CXADR: variants seen among roughly 807,000 people sequenced by gnomAD.
CXADR encodes the protein CXADR cell adhesion molecule.
CXADR carries 20 observed loss-of-function variants against 40.3 expected under a neutral mutation model. That is an observed-to-expected ratio of 0.50 (90% confidence interval 0.35 to 0.72). The LOEUF (loss-of-function observed/expected upper bound fraction) is 0.72, where lower values mean the gene tolerates loss of function less well. Ranked by LOEUF, CXADR falls within the 30% of genes least tolerant of loss-of-function variation. CXADR has a pLI of 0.01. For missense variants in CXADR, 332 were observed against 449.1 expected (o/e 0.74, Z 2.36); for synonymous variants, 150 against 161.3 (o/e 0.93, Z 0.53).
intron 7 of CXADR, among the ~76,000 whole-genome samples, chr21:17,585,761 G>A (rs1223506402): frequency 6.6e-6 from 1 of 152,054 alleles, no homozygotes; most frequent in South Asian, 2.1e-4. Context: ...CTCATGATCC[G>A]CCCGCCTTGG....
intron 3 of CXADR, among the ~76,000 whole-genome samples, chr21:17,553,915 C>G (rs2061002204): frequency 6.6e-6 from 1 of 152,202 alleles, no homozygotes; most frequent in Non-Finnish European, 1.5e-5. Context: ...CCGCACCCAG[C>G]TACCTGGTCT....
chr21:17,565,282 G>GAC lies in CXADR; in HGVS notation c.834-115_834-114dup, dbSNP rs6147430. On this transcript the variant is annotated intron_variant, in intron 6 of 6. Transcript: ENST00000284878. ...TGGCTTGTGCTTTTTGCTTTTTTGT[G>GAC]ACACACACACACACACACACACACA... The GAC allele has an allele frequency of 1.4e-3, 1,163 of 804,886 alleles. 1 individual carries two copies. Among genetic ancestry groups the GAC allele is most frequent in the Admixed American group, 3.1e-3 (103 of 32,780 alleles). 49.9% of individuals were successfully genotyped at this position (804,886 alleles called of 1,614,324 possible). A position where few individuals can be genotyped will look rare whatever the true frequency, so the allele number is the denominator to read the frequency against.
At chr21:17,577,612 C>CTTTTTTTTTTTT (rs532541050) in intron 7 of CXADR, among the ~76,000 whole-genome samples, 2,475 of 36,654 alleles carry the variant, frequency 0.068, 316 homozygotes, top group Non-Finnish European at 0.1. Context: ...ATTCTGCAAG[C>CTTTTTTTTTTTT]TTTTTTTTTT....
chr21:17,579,497 G>T (rs1343334819), intron 7 of CXADR, among the ~76,000 whole-genome samples: 1 of 152,112 alleles, frequency 6.6e-6, no homozygotes, highest in Non-Finnish European at 1.5e-5. Context: ...CGTTAGCCAG[G>T]ATGGTCTCGA....
intron 1 of CXADR, among the ~76,000 whole-genome samples, chr21:17,525,859 G>T (rs971880845): frequency 6.6e-6 from 1 of 152,194 alleles, no homozygotes; most frequent in African/African-American, 2.4e-5. Flanking sequence ...TGTGGCATTG[G>T]TGTTAGAACA....
At chr21:17,592,452 C>G (rs970389163) in intron 7 of CXADR, among the ~76,000 whole-genome samples, 2 of 151,542 alleles carry the variant, frequency 1.3e-5, no homozygotes, top group Non-Finnish European at 3.0e-5. Context: ...GATGAAAAAC[C>G]TACAGATGAG....
chr21:17,538,842 T>C (rs1175155092), intron 1 of CXADR, among the ~76,000 whole-genome samples: 1 of 151,690 alleles, frequency 6.6e-6, no homozygotes, highest in Non-Finnish European at 1.5e-5. Context: ...ATAAAAGCAA[T>C]TATATAGAGA....
At position 17,567,800 on chromosome 21, in the gene CXADR, A is replaced by G. The variant is rs939696762; in HGVS notation, c.*2108A>G. ...TATTCCTGACTTTCATATAATGAAAATTATCCTATTGATCTAAGTAGAAGT... is the reference window on the plus strand; with the variant it reads ...TATTCCTGACTTTCATATAATGAAAGTTATCCTATTGATCTAAGTAGAAGT... On this transcript the variant is annotated 3_prime_UTR_variant, in exon 7 of 7. Transcript: ENST00000284878. The G allele has an allele frequency of 1.1e-6, 1 of 942,350 alleles. No homozygotes were observed. Among genetic ancestry groups the G allele is most frequent in the Admixed American group, 6.2e-5 (1 of 16,162 alleles). 58.4% of individuals were successfully genotyped at this position (942,350 alleles called of 1,614,324 possible). A position where few individuals can be genotyped will look rare whatever the true frequency, so the allele number is the denominator to read the frequency against.
At chr21:17,593,111 T>C (rs2061455615) in intron 7 of CXADR, 1 of 1,315,332 alleles carries the variant, frequency 7.6e-7, no homozygotes, top group Non-Finnish European at 9.8e-7. Context: ...TGGAGAAAAA[T>C]CAAAACTCTT....
At chr21:17,522,160 T>C (rs1376225667) in intron 1 of CXADR, among the ~76,000 whole-genome samples, 1 of 151,938 alleles carries the variant, frequency 6.6e-6, no homozygotes, top group Non-Finnish European at 1.5e-5. Flanking sequence ...CTTCCTTTTT[T>C]TTTTGGAGAC....
At chr21:17,613,413 C>G in the CXADR span, 1 of 152,452 alleles carries the variant, frequency 6.6e-6, no homozygotes, top group East Asian at 1.9e-4. Context: ...GACAGATCCT[C>G]ATCCTTCTTG....
chr21:17,525,116 T>C (rs1239177182), intron 1 of CXADR, among the ~76,000 whole-genome samples: 2 of 152,192 alleles, frequency 1.3e-5, no homozygotes, highest in East Asian at 3.9e-4. Context: ...GTTCAGTTTG[T>C]CCTTTGGTAC....
the CXADR span, among the ~76,000 whole-genome samples, chr21:17,624,929 C>T: frequency 6.6e-6 from 1 of 152,152 alleles, no homozygotes. Context: ...AAAGAAACAT[C>T]CCCCATTACA....
the CXADR span, among the ~76,000 whole-genome samples, chr21:17,621,659 C>T: frequency 8.5e-5 from 13 of 152,172 alleles, no homozygotes; most frequent in African/African-American, 2.9e-4. Context: ...GATGGAGGCT[C>T]TTCATCCCAC....
chr21:17,606,489 G>A, the CXADR span, among the ~76,000 whole-genome samples: 1 of 152,176 alleles, frequency 6.6e-6, no homozygotes, highest in East Asian at 1.9e-4. Flanking sequence ...ATTGTATAGG[G>A]TAATTTGAAA....
Position 17,580,238 on chromosome 21 carries a change from G to A in CXADR, c.1018-12914G>A, listed in dbSNP as rs186210058. 7.2e-3 allele frequency among the ~76,000 whole-genome samples: 1,090 copies of A among 152,252 alleles called. 3 individuals carry two copies. The highest frequency in any genetic ancestry group is 0.011 in the Non-Finnish European group (768 of 68,020). On this transcript the variant is annotated intron_variant, in intron 7 of 7. Transcript: ENST00000400169. ...AAGTATGTTCTCCTAGACAAGAGTT[G>A]GCGAAAACTCTCACTTCTGGGTTAA...
At chr21:17,588,826 C>T (rs2061415264) in intron 7 of CXADR, among the ~76,000 whole-genome samples, 1 of 152,026 alleles carries the variant, frequency 6.6e-6, no homozygotes, top group African/African-American at 2.4e-5. Flanking sequence ...TTTCTAGTTA[C>T]ATAAAATTTT....
downstream of CXADR, among the ~76,000 whole-genome samples, chr21:17,595,993 G>T (rs1471002417): frequency 6.6e-6 from 1 of 151,932 alleles, no homozygotes; most frequent in East Asian, 1.9e-4. Flanking sequence ...TGTTTCATAT[G>T]GATTTAATCT....
At chr21:17,595,964 G>A (rs1180458911), downstream of CXADR, among the ~76,000 whole-genome samples, 1 of 151,950 alleles carries the variant, frequency 6.6e-6, no homozygotes, top group African/African-American at 2.4e-5. Context: ...TTTAAATTGT[G>A]CAGTTCTGGA....
Sources: gnomAD v4.1 joint callset for allele counts (sites outside exome capture counted in the v4.1 genomes callset) on GRCh38, gnomAD v4.1.1 for gene constraint, MANE v1.5 for transcripts, NCBI Gene and HGNC (gene_info 2026-07-23, HGNC 2026-07-21) for gene names.